Variants in SORCS1 observed in about 807,000 individuals in gnomAD.
SORCS1 encodes VPS10 domain-containing receptor SorCS1.
In SORCS1, 60 loss-of-function variants were observed where a neutral mutation model predicts 146.1. The ratio of observed to expected loss-of-function variants is 0.41; its 90% confidence interval spans 0.33 to 0.51. The LOEUF (loss-of-function observed/expected upper bound fraction) is 0.51. Among genes scored for constraint, SORCS1 ranks in the 20% least tolerant of loss-of-function variants. The pLI is 0.21. For synonymous variants in SORCS1, 637 were observed against 584.0 expected (o/e 1.09, Z -1.31); for missense variants, 1,352 against 1,487.6 (o/e 0.91, Z 1.50).
At chr10:106,778,162 A>T (rs1280894273) in intron 3 of SORCS1, among the ~76,000 whole-genome samples, 1 of 152,166 alleles carries the variant, frequency 6.6e-6, no homozygotes, top group Non-Finnish European at 1.5e-5. Context: ...TGCATGCCAG[A>T]CACTCTGCCC....
chr10:106,985,420 G>A (rs1487889122), intron 1 of SORCS1, among the ~76,000 whole-genome samples: 2 of 151,870 alleles, frequency 1.3e-5, no homozygotes, highest in Admixed American at 1.3e-4. Flanking sequence ...ACGCTTAAAG[G>A]CACTCTAAAT....
At position 106,997,800 on chromosome 10, in the gene SORCS1, C is replaced by T. The variant is rs535218559; in HGVS notation, c.559-41220G>A. Among the ~76,000 whole-genome samples the T allele has an allele frequency of 5.3e-5, 8 of 152,230 alleles. No homozygotes were observed. In the South Asian group the frequency reaches 1.4e-3, roughly 28 times the overall value. On this transcript the variant is annotated intron_variant, in intron 1 of 25. Coordinates refer to ENST00000263054, the MANE Select transcript of SORCS1 (RefSeq NM_052918.5). Reference sequence around the variant, plus strand: ...AACCATGCTTCTCCTTGGTGAACCACTTCTCTCCAACACACTAAGTAGCAT... The same window carrying T: ...AACCATGCTTCTCCTTGGTGAACCATTTCTCTCCAACACACTAAGTAGCAT...
intron 1 of SORCS1, among the ~76,000 whole-genome samples, chr10:107,144,541 C>T (rs1262602855): frequency 6.6e-6 from 1 of 152,224 alleles, no homozygotes; most frequent in Non-Finnish European, 1.5e-5. Context: ...TCATCATATA[C>T]AAGGCATATC....
At chr10:106,721,005 G>A (rs74414716) in intron 6 of SORCS1, among the ~76,000 whole-genome samples, 6,888 of 151,796 alleles carry the variant, frequency 0.045, 233 homozygotes, top group African/African-American at 0.08. Flanking sequence ...GAGAGGTCAA[G>A]TGGATATCAC....
chr10:106,862,780 C>CAAAAA (rs58654489), intron 2 of SORCS1, among the ~76,000 whole-genome samples: 11 of 60,238 alleles, frequency 1.8e-4, no homozygotes, highest in African/African-American at 3.3e-4. Context: ...CCTGTCTCTA[C>CAAAAA]AAAAAAAAAA....
At chr10:107,001,717 A>G (rs559802192) in intron 1 of SORCS1, among the ~76,000 whole-genome samples, 8 of 152,172 alleles carry the variant, frequency 5.3e-5, no homozygotes, top group African/African-American at 1.9e-4. Context: ...GCCTGCCTCA[A>G]CCTCCTAAAG....
At chr10:106,781,495 A>G (rs1057061036) in intron 3 of SORCS1, among the ~76,000 whole-genome samples, 6 of 152,178 alleles carry the variant, frequency 3.9e-5, no homozygotes, top group African/African-American at 1.2e-4. Context: ...AATGCTTTTC[A>G]TAATGATAAT....
chr10:106,599,044 T>C (rs1846075344), intron 23 of SORCS1, among the ~76,000 whole-genome samples: 1 of 152,218 alleles, frequency 6.6e-6, no homozygotes, highest in Non-Finnish European at 1.5e-5. Flanking sequence ...AGGCTACTTC[T>C]TTTCTTGGGT....
chr10:106,667,654 G>C (rs776743431), intron 17 of SORCS1, 35 bp downstream of exon 17: 1 of 1,463,846 alleles, frequency 6.8e-7, no homozygotes, highest in Non-Finnish European at 9.6e-7. Flanking sequence ...GGCAGCAAAG[G>C]TTGGCCTCTC....
At chr10:106,872,859 G>A (rs2137595380) in intron 2 of SORCS1, among the ~76,000 whole-genome samples, 1 of 152,262 alleles carries the variant, frequency 6.6e-6, no homozygotes, top group African/African-American at 2.4e-5. Flanking sequence ...AAGTAAAGAT[G>A]CATCATGTTT....
At chr10:106,911,289 T>C (rs1952137734) in intron 2 of SORCS1, among the ~76,000 whole-genome samples, 1 of 152,220 alleles carries the variant, frequency 6.6e-6, no homozygotes, top group African/African-American at 2.4e-5. Flanking sequence ...CTGGTTGATG[T>C]GTCTCACTCA....
rs1338634704 is a variant in SORCS1, at chr10:106,699,351, C to T, written c.1276G>A (p.Ala426Thr). The change falls in exon 9 of 26, where the codon GCG becomes ACG. Residue 426 changes from alanine (A) to threonine (T), a missense_variant. Physicochemically the swap from Ala to Thr is moderately conservative, Grantham distance 58 (BLOSUM62 0). Transcript: ENST00000263054. ...TCATTCTGGTTCCATTCTTGGACCG[C>T]TGCGAACACCTGATTCTCATCGGTG... is the stretch of plus-strand genomic sequence containing the variant. ...ISTDENQVFAAVQEWNQNDTY... is the reference protein window; with the variant it reads ...ISTDENQVFATVQEWNQNDTY... The T allele has an allele frequency of 3.1e-6, 5 of 1,613,786 alleles. No individual in the cohort carries two copies. In the East Asian group the frequency reaches 1.1e-4, roughly 36 times the overall value.
intron 2 of SORCS1, among the ~76,000 whole-genome samples, chr10:106,875,085 T>A (rs965343534): frequency 6.6e-6 from 1 of 152,168 alleles, no homozygotes; most frequent in Non-Finnish European, 1.5e-5. Flanking sequence ...TCGTACCCAA[T>A]ACGTAGTTTT....
At chr10:107,155,381 A>T (rs991005152) in intron 1 of SORCS1, among the ~76,000 whole-genome samples, 25 of 152,190 alleles carry the variant, frequency 1.6e-4, no homozygotes, top group Admixed American at 9.8e-4. Flanking sequence ...AGTTTGTAAA[A>T]TATAGATGCC....
chr10:106,682,681 C>T (rs563695955), intron 10 of SORCS1, among the ~76,000 whole-genome samples: 3 of 152,260 alleles, frequency 2.0e-5, no homozygotes, highest in Non-Finnish European at 4.4e-5. Context: ...CATCATAGGC[C>T]CCTCTCTTCA....
chr10:106,644,597 C>T (rs935457802), intron 18 of SORCS1, among the ~76,000 whole-genome samples: 3 of 152,118 alleles, frequency 2.0e-5, no homozygotes, highest in African/African-American at 7.2e-5. Context: ...AAACTCCTGA[C>T]CTTGTGTTCT....
At chr10:106,815,946 C>T (rs1350166397) in intron 3 of SORCS1, among the ~76,000 whole-genome samples, 4 of 152,144 alleles carry the variant, frequency 2.6e-5, no homozygotes, top group Non-Finnish European at 4.4e-5. Flanking sequence ...TTAAATCAAA[C>T]GGGGAAAGGC....
At chr10:107,009,334 A>G (rs1162026174) in intron 1 of SORCS1, among the ~76,000 whole-genome samples, 5 of 152,218 alleles carry the variant, frequency 3.3e-5, no homozygotes, top group Non-Finnish European at 7.3e-5. Flanking sequence ...CTTAGACAAT[A>G]CAATATATAC....
At chr10:106,791,653 C>A (rs576000650) in intron 3 of SORCS1, among the ~76,000 whole-genome samples, 1 of 152,158 alleles carries the variant, frequency 6.6e-6, no homozygotes, top group South Asian at 2.1e-4. Flanking sequence ...GAGCTGAGAT[C>A]GGGCCACTGC....
Sources: allele counts gnomAD v4.1 joint callset (sites outside exome capture counted in the v4.1 genomes callset), GRCh38; gene constraint gnomAD v4.1.1; transcripts MANE v1.5; gene names NCBI Gene and HGNC (gene_info 2026-07-23, HGNC 2026-07-21).